The following EFNA5 variants were observed in gnomAD, a reference collection of about 807,000 sequenced individuals.
The protein encoded by EFNA5 is ephrin-A5.
A neutral mutation model predicts 22.9 loss-of-function variants in EFNA5; 5 were observed. That is an observed-to-expected ratio of 0.22 (90% confidence interval 0.11 to 0.46). EFNA5 has a LOEUF of 0.46. Ranked by LOEUF, EFNA5 falls within the 20% of genes least tolerant of loss-of-function variation. EFNA5 has a pLI of 0.99. For missense variants in EFNA5, 237 were observed against 293.3 expected (o/e 0.81, Z 1.40); for synonymous variants, 113 against 112.2 (o/e 1.01, Z -0.04).
chr5:107,660,238 T>A (rs1750916698), intron 1 of EFNA5, among the ~76,000 whole-genome samples: 1 of 124,596 alleles, frequency 8.0e-6, no homozygotes, highest in East Asian at 2.2e-4. Flanking sequence ...AGAAAAAGAC[T>A]GGAACCTCTG....
At chr5:107,411,573 A>C (rs963122053) in intron 2 of EFNA5, among the ~76,000 whole-genome samples, 1 of 152,176 alleles carries the variant, frequency 6.6e-6, no homozygotes, top group Non-Finnish European at 1.5e-5. Flanking sequence ...GATCCCCACC[A>C]CTGTCTTGGT....
chr5:107,453,963 GTGTA>G (rs1235078507), intron 1 of EFNA5, among the ~76,000 whole-genome samples: 5 of 151,832 alleles, frequency 3.3e-5, no homozygotes, highest in Non-Finnish European at 5.9e-5. Flanking sequence ...GTGTGTGTGT[GTGTA>G]TGTGTGTGTG....
chr5:107,628,428 AC>A (rs1372250043), intron 1 of EFNA5, among the ~76,000 whole-genome samples: 1 of 152,182 alleles, frequency 6.6e-6, no homozygotes, highest in Non-Finnish European at 1.5e-5. Context: ...GAAACTCAAA[AC>A]AAAAAGTACC....
intron 2 of EFNA5, among the ~76,000 whole-genome samples, chr5:107,401,434 A>G (rs771758084): frequency 3.9e-5 from 6 of 152,224 alleles, no homozygotes; most frequent in African/African-American, 7.2e-5. Context: ...GGTGTAACTC[A>G]TATTTCTATT....
intron 1 of EFNA5, 123 bp downstream of exon 1, chr5:107,670,366 G>A (rs963154651): frequency 7.0e-6 from 9 of 1,279,900 alleles, no homozygotes; most frequent in East Asian, 6.1e-5. Context: ...ATCAGCGCCC[G>A]GGCGACGCAG....
chr5:107,534,248 G>A (rs575050347), intron 1 of EFNA5, among the ~76,000 whole-genome samples: 2 of 152,266 alleles, frequency 1.3e-5, no homozygotes, highest in African/African-American at 4.8e-5. Context: ...AGAGTTTGAG[G>A]ATGTATAAAC....
In EFNA5 at chr5:107,378,902, G is replaced by C. The variant is rs1747350409; in HGVS notation, c.*2353C>G. The stretch of plus-strand genomic sequence containing the variant: ...TTTCCTTGTGGTTATAGAACATGCT[G>C]TATTATTTTGGTTCTATTGATCCAT... On this transcript the variant is annotated 3_prime_UTR_variant, in exon 5 of 5. Coordinates refer to ENST00000333274, the MANE Select transcript of EFNA5 (RefSeq NM_001962.3). 6.6e-6 allele frequency: 1 copy of C among 151,770 alleles called. No individual in the cohort carries two copies. Among genetic ancestry groups the C allele is most frequent in the Non-Finnish European group, 1.5e-5 (1 of 68,002 alleles). 9.4% of individuals were successfully genotyped at this position (151,770 alleles called of 1,614,324 possible).
At chr5:107,449,128 C>T (rs1315839321) in intron 1 of EFNA5, among the ~76,000 whole-genome samples, 1 of 151,976 alleles carries the variant, frequency 6.6e-6, no homozygotes, top group African/African-American at 2.4e-5. Context: ...AAATAGTCAC[C>T]ACATATTTGG....
intron 1 of EFNA5, among the ~76,000 whole-genome samples, chr5:107,585,333 A>G (rs911330142): frequency 6.6e-6 from 1 of 152,186 alleles, no homozygotes; most frequent in Non-Finnish European, 1.5e-5. Context: ...ATTGCACTAC[A>G]TCAAGGGCAC....
At chr5:107,453,326 A>C (rs949417141) in intron 1 of EFNA5, among the ~76,000 whole-genome samples, 5 of 152,178 alleles carry the variant, frequency 3.3e-5, no homozygotes, top group African/African-American at 1.2e-4. Context: ...AGAATAATAT[A>C]ATAAATAAAT....
At chr5:107,638,011 T>C (rs979151175) in intron 1 of EFNA5, among the ~76,000 whole-genome samples, 1 of 107,870 alleles carries the variant, frequency 9.3e-6, no homozygotes, top group South Asian at 3.6e-4. Context: ...CACGCCTGGC[T>C]AATTTTTTGT....
intron 2 of EFNA5, among the ~76,000 whole-genome samples, chr5:107,415,177 T>TTATA (rs147069685): frequency 2.0e-5 from 3 of 147,960 alleles, no homozygotes; most frequent in Non-Finnish European, 4.5e-5. Flanking sequence ...ATGGATGAGA[T>TTATA]TATATATATA....
At chr5:107,527,612 T>C (rs1202857459) in intron 1 of EFNA5, among the ~76,000 whole-genome samples, 1 of 152,124 alleles carries the variant, frequency 6.6e-6, no homozygotes, top group Non-Finnish European at 1.5e-5. Flanking sequence ...TTCATCTAGA[T>C]TGGGGTGTGT....
chr5:107,646,144 A>C (rs1465493433), intron 1 of EFNA5, among the ~76,000 whole-genome samples: 1 of 152,206 alleles, frequency 6.6e-6, no homozygotes, highest in East Asian at 1.9e-4. Flanking sequence ...TATCTAAGGT[A>C]TAGGAAAAGA....
At chr5:107,545,602 A>G (rs923700134) in intron 1 of EFNA5, among the ~76,000 whole-genome samples, 1 of 152,150 alleles carries the variant, frequency 6.6e-6, no homozygotes, top group African/African-American at 2.4e-5. Flanking sequence ...CTAGATGGTT[A>G]ATTACTTAAG....
intron 2 of EFNA5, among the ~76,000 whole-genome samples, chr5:107,389,717 A>C (rs1448007365): frequency 6.6e-6 from 1 of 152,186 alleles, no homozygotes; most frequent in Non-Finnish European, 1.5e-5. Context: ...ACAGCAAACG[A>C]TACGCCTCCA....
chr5:107,602,775 C>T (rs1450579319), intron 1 of EFNA5, among the ~76,000 whole-genome samples: 2 of 152,098 alleles, frequency 1.3e-5, no homozygotes, highest in African/African-American at 4.8e-5. Flanking sequence ...GAAGTCAGAG[C>T]AGGTTCCCAG....
intron 2 of EFNA5, among the ~76,000 whole-genome samples, chr5:107,420,207 T>C (rs1421269298): frequency 6.6e-6 from 1 of 152,178 alleles, no homozygotes; most frequent in East Asian, 1.9e-4. Flanking sequence ...AAACTTAATC[T>C]TTATGCATTT....
intron 2 of EFNA5, among the ~76,000 whole-genome samples, chr5:107,412,579 T>C (rs1211341485): frequency 6.6e-6 from 1 of 152,188 alleles, no homozygotes; most frequent in Non-Finnish European, 1.5e-5. Context: ...TCCACGTTTC[T>C]CAGGTATGAG....
Sources: allele counts gnomAD v4.1 joint callset (sites outside exome capture counted in the v4.1 genomes callset), GRCh38; gene constraint gnomAD v4.1.1; transcripts MANE v1.5; gene names NCBI Gene and HGNC (gene_info 2026-07-23, HGNC 2026-07-21).